Variants in CARMIL2 observed in about 807,000 individuals in gnomAD.
The protein encoded by CARMIL2 is capping protein regulator and myosin 1 linker 2.
Under a neutral mutation model 173.3 loss-of-function variants are expected in CARMIL2, and 96 were observed. That is an observed-to-expected ratio of 0.55 (90% CI 0.47 to 0.66). The LOEUF (loss-of-function observed/expected upper bound fraction) is 0.66, where lower values mean the gene tolerates loss of function less well. Among genes scored for constraint, CARMIL2 ranks in the 30% least tolerant of loss-of-function variants. The probability of loss-of-function intolerance (pLI) is 0.00; values close to 1 mark genes in which losing one functional copy is unlikely to be tolerated. For missense variants in CARMIL2, 1,771 were observed against 1,906.7 expected, an observed-to-expected ratio of 0.93 and a Z score of 1.33; for synonymous variants, 830 against 817.1, an observed-to-expected ratio of 1.02 and a Z score of -0.27.
At position 67,657,048 on chromosome 16, in the gene CARMIL2, C is replaced by T; in HGVS notation, c.4117+167C>T. On this transcript the variant is annotated intron_variant, in intron 36 of 37. Coordinates refer to ENST00000334583, the MANE Select transcript of CARMIL2 (RefSeq NM_001013838.3). This position sits in a 1 kb window ranked among gnomAD's most constrained non-coding sequence, Gnocchi z 4.5. ...TGCAAGGGTTTGACAGCAAGCCCTTCCAACTAGCACTGGCTCCACTTCCCG... is the reference window on the plus strand; with the variant it reads ...TGCAAGGGTTTGACAGCAAGCCCTTTCAACTAGCACTGGCTCCACTTCCCG... 2 of 750,862 alleles carry T rather than the reference C, an allele frequency of 2.7e-6. No individual in the cohort carries two copies. The highest frequency in any genetic ancestry group is 1.8e-5 in the South Asian group (1 of 54,778). The allele number at this position is 750,862 out of a possible 1,614,324, so 46.5% of individuals were successfully genotyped here.
At position 67,645,171 on chromosome 16, in the gene CARMIL2, C is replaced by T. The variant is rs2052570031; in HGVS notation, c.-76C>T. 8.0e-7 allele frequency: 1 copy of T among 1,245,818 alleles called. No homozygotes were observed. The highest frequency in any genetic ancestry group is 1.5e-5 in the African/African-American group (1 of 67,042). 77.2% of individuals were successfully genotyped at this position (1,245,818 alleles called of 1,614,324 possible). A position where few individuals can be genotyped will look rare whatever the true frequency, so the allele number is the denominator to read the frequency against. On this transcript the variant is annotated 5_prime_UTR_variant, in exon 1 of 38. Coordinates refer to ENST00000334583, the MANE Select transcript of CARMIL2 (RefSeq NM_001013838.3). ...GTGGCTGCCGTGCGGGTCTGGGCCCCAGGCTTCCTGTGTGCGCGCTCGTCC... is the reference window on the plus strand; with the variant it reads ...GTGGCTGCCGTGCGGGTCTGGGCCCTAGGCTTCCTGTGTGCGCGCTCGTCC...
At chr16:67,647,056 T>C in intron 8 of CARMIL2, 60 bp from the exon 9 acceptor site, 9 of 1,608,770 alleles carry the variant, frequency 5.6e-6, no homozygotes, top group Non-Finnish European at 7.7e-6. Flanking sequence ...GAGGGGCTGC[T>C]GGGCCTGGGA....
intron 22 of CARMIL2, 70 bp downstream of exon 22, chr16:67,650,220 A>T: frequency 7.5e-7 from 1 of 1,340,068 alleles, no homozygotes; most frequent in Non-Finnish European, 1.0e-6. Flanking sequence ...AGCCTCCATG[A>T]GTCAGAGGGT....
chr16:67,657,413 C>A lies in CARMIL2; in HGVS notation c.4203C>A (p.Gly1401=). Residue 1401 remains glycine (G), a synonymous_variant, in exon 38 of 38, where the codon GGC becomes GGA. Transcript: ENST00000334583. The surrounding 1 kb of genome is among the most constrained non-coding windows in gnomAD (Gnocchi z 4.5). ...EAPPSPSLGS[G]LGTEPLPPQP... ...CCCTCCCTCCCCTCACAGGATCTGG[C>A]CTTGGAACCGAGCCTCTGCCCCCAC... is the stretch of plus-strand genomic sequence containing the variant. 6.2e-7 allele frequency: 1 copy of A among 1,605,970 alleles called. No homozygotes were observed. Among genetic ancestry groups the A allele is most frequent in the Non-Finnish European group, 8.5e-7 (1 of 1,176,552 alleles).
Position 67,648,874 on chromosome 16 carries a change from T to TC in CARMIL2, c.1510-16dup, listed in dbSNP as rs1878497743. On this transcript the variant is annotated intron_variant, in intron 16 of 37. Coordinates refer to ENST00000334583, the MANE Select transcript of CARMIL2 (RefSeq NM_001013838.3). The surrounding 1 kb of genome is among the most constrained non-coding windows in gnomAD (Gnocchi z 6.1). The stretch of plus-strand genomic sequence containing the variant: ...GCCTAAGTGGGTCCCACTTCCCACC[T>TC]CCCACCTCCCACATACAGCTGCGCT... The TC allele has an allele frequency of 6.3e-7, 1 of 1,596,332 alleles. No homozygotes were observed. Among genetic ancestry groups the TC allele is most frequent in the Non-Finnish European group, 8.5e-7 (1 of 1,172,144 alleles).
Position 67,649,581 on chromosome 16 carries a change from G to T in CARMIL2, c.1881G>T (p.Lys627Asn). ...SGNAMGDAGA[K>N]LLAKALRVNS... The stretch of plus-strand genomic sequence containing the variant: ...ACGCCATGGGGGACGCGGGCGCCAA[G>T]TTGCTGGCCAAGGCGCTGCGGGTCA... Residue 627 changes from lysine (K) to asparagine (N), a missense_variant, in exon 20 of 38, where the codon AAG (lysine) becomes AAT (asparagine). Physicochemically the swap from Lys to Asn is moderately conservative, Grantham distance 94. Transcript: ENST00000334583. The surrounding 1 kb of genome is among the most constrained non-coding windows in gnomAD (Gnocchi z 6.7). 1 of 1,601,196 alleles carries T rather than the reference G, an allele frequency of 6.2e-7. No homozygotes were observed. The highest frequency in any genetic ancestry group is 1.1e-5 in the South Asian group (1 of 91,054).
chr16:67,653,194 C>T lies in CARMIL2; in HGVS notation c.3060C>T (p.Thr1020=). The T allele has an allele frequency of 8.9e-7, 1 of 1,123,838 alleles. No individual in the cohort carries two copies. The highest frequency in any genetic ancestry group is 1.6e-5 in the African/African-American group (1 of 60,820). The allele number at this position is 1,123,838 out of a possible 1,614,324, so 69.6% of individuals were successfully genotyped here. The change falls in exon 29 of 38, where the codon ACC becomes ACT. Residue 1020 remains threonine (T), a synonymous_variant. Transcript: ENST00000334583. The surrounding 1 kb of genome is among the most constrained non-coding windows in gnomAD (Gnocchi z 7.4). ...CGGGGCAGCCCCTGCGCCATCCGAC[C>T]CGGGCCCGGCCGCGGCCGCGCCGCC... ...PLAGQPLRHP[T]RARPRPRRQH...
Position 67,646,501 on chromosome 16 carries a change from C to A in CARMIL2, c.450C>A (p.Asp150Glu), listed in dbSNP as rs1597743240. 1 of 1,613,182 alleles carries A rather than the reference C, an allele frequency of 6.2e-7. No individual in the cohort carries two copies. The highest frequency in any genetic ancestry group is 1.1e-5 in the South Asian group (1 of 91,056). ...GAAGCAGCCCCTCGGAGTCCACTGA[C>A]CCCTGCAGCCCCTGTGGTAAGGGTG... is the stretch of plus-strand genomic sequence containing the variant. ...LERSSPSESTDPCSPCGGFLE... is the reference protein window; with the variant it reads ...LERSSPSESTEPCSPCGGFLE... Residue 150 changes from aspartate (D) to glutamate (E), a missense_variant, in exon 6 of 38, where the codon GAC becomes GAA. By Grantham distance (45) the Asp-to-Glu change is conservative. Coordinates refer to ENST00000334583, the MANE Select transcript of CARMIL2 (RefSeq NM_001013838.3). The surrounding 1 kb of genome is among the most constrained non-coding windows in gnomAD (Gnocchi z 4.6).
chr16:67,645,356 C>T, intron 1 of CARMIL2, 70 bp downstream of exon 1: 1 of 1,519,084 alleles, frequency 6.6e-7, no homozygotes, highest in Admixed American at 1.9e-5. Context: ...GAGGCCCACC[C>T]AGCGCCCCAG....
chr16:67,657,421 C>T lies in CARMIL2; in HGVS notation c.4211C>T (p.Thr1404Ile), dbSNP rs201307895. Reference sequence around the variant, plus strand: ...CCCCTCACAGGATCTGGCCTTGGAACCGAGCCTCTGCCCCCACAGCCCACA... The same window carrying T: ...CCCCTCACAGGATCTGGCCTTGGAATCGAGCCTCTGCCCCCACAGCCCACA... ...PSPSLGSGLG[T>I]EPLPPQPTEP... The change falls in exon 38 of 38, where the codon ACC becomes ATC. Residue 1404 changes from threonine to isoleucine, a missense_variant. Transcript: ENST00000334583. The surrounding 1 kb of genome is among the most constrained non-coding windows in gnomAD (Gnocchi z 4.5). 111 of 1,606,416 alleles carry T rather than the reference C, an allele frequency of 6.9e-5. No homozygotes were observed. In the East Asian group the frequency reaches 2.4e-3, roughly 34 times the overall value.
At position 67,645,417 on chromosome 16, in the gene CARMIL2, A is replaced by T. The variant is rs2052574939; in HGVS notation, c.41-123A>T. 4 of 1,353,226 alleles carry T rather than the reference A, an allele frequency of 3.0e-6. No individual in the cohort carries two copies. In the Admixed American group the frequency reaches 5.9e-5, roughly 20 times the overall value. 83.8% of individuals were successfully genotyped at this position (1,353,226 alleles called of 1,614,324 possible). ...CTCCCCAGGAGGGCAGGCGCCCCAG[A>T]TCCTCTCCCCTCCTTCCTCGCTGGC... On this transcript the variant is annotated intron_variant, in intron 1 of 37. Coordinates refer to ENST00000334583, the MANE Select transcript of CARMIL2 (RefSeq NM_001013838.3).
intron 1 of CARMIL2, 97 bp from the exon 2 acceptor site, chr16:67,645,443 C>A (rs909039770): frequency 1.4e-6 from 2 of 1,381,764 alleles, no homozygotes. Flanking sequence ...CCTCGCTGGC[C>A]GCAGATAAGC....
Position 67,654,459 on chromosome 16 carries a change from C to T in CARMIL2, c.3349C>T (p.Leu1117=), listed in dbSNP as rs1411666705. 1 of 1,612,938 alleles carries T rather than the reference C, an allele frequency of 6.2e-7. No individual in the cohort carries two copies. The highest frequency in any genetic ancestry group is 8.5e-7 in the Non-Finnish European group (1 of 1,179,688). The change falls in exon 31 of 38, where the codon CTA becomes TTA. Residue 1117 remains leucine, a synonymous_variant. Coordinates refer to ENST00000334583, the MANE Select transcript of CARMIL2 (RefSeq NM_001013838.3). ...TTCAACGCGGGGTCCACGGACTGAT[C>T]TAGAGACCAGCCCTGGGGCAGCTCC... is the stretch of plus-strand genomic sequence containing the variant. The part of the protein sequence containing the change: ...PRSTRGPRTD[L]ETSPGAAPRT...
chr16:67,647,254 G>A, intron 9 of CARMIL2, 45 bp from the exon 10 acceptor site: 1 of 1,611,108 alleles, frequency 6.2e-7, no homozygotes, highest in Non-Finnish European at 8.5e-7. Context: ...GCAGCCCGCT[G>A]AGGGCCAGGG....
chr16:67,655,996 G>C, intron 32 of CARMIL2, 35 bp from the exon 33 acceptor site: 1 of 1,566,966 alleles, frequency 6.4e-7, no homozygotes, highest in South Asian at 1.2e-5. Flanking sequence ...TGGGGAGCGG[G>C]CAGGGCTGGA....
chr16:67,648,661 AC>A lies in CARMIL2; in HGVS notation c.1440-20del. On this transcript the variant is annotated intron_variant, in intron 15 of 37. Transcript: ENST00000334583. This position sits in a 1 kb window ranked among gnomAD's most constrained non-coding sequence, Gnocchi z 6.1. ...GGAGCCCCCTGTCCCAGCTCCCGCC[AC>A]CCCGTGTAACGTCCTCTCCCAGAGC... is the stretch of plus-strand genomic sequence containing the variant. The A allele has an allele frequency of 6.3e-7, 1 of 1,589,790 alleles. No homozygotes were observed.
In CARMIL2 at chr16:67,652,930, G is replaced by T; in HGVS notation, c.2885-89G>T. 1 of 461,948 alleles carries T rather than the reference G, an allele frequency of 2.2e-6. No individual in the cohort carries two copies. The highest frequency in any genetic ancestry group is 3.1e-6 in the Non-Finnish European group (1 of 318,688). 28.6% of individuals were successfully genotyped at this position (461,948 alleles called of 1,614,324 possible). A position where few individuals can be genotyped will look rare whatever the true frequency, so the allele number is the denominator to read the frequency against. On this transcript the variant is annotated intron_variant, in intron 28 of 37. Coordinates refer to ENST00000334583, the MANE Select transcript of CARMIL2 (RefSeq NM_001013838.3). The surrounding 1 kb of genome is among the most constrained non-coding windows in gnomAD (Gnocchi z 4.7). ...GCGGCGTAGCCGGGCCCCTCCCCGCGCCCTGGGCGGGTCCCCCGCCGCCCT... is the reference window on the plus strand; with the variant it reads ...GCGGCGTAGCCGGGCCCCTCCCCGCTCCCTGGGCGGGTCCCCCGCCGCCCT...
rs1343185321 is a variant in CARMIL2, at chr16:67,647,758, C to T, written c.950C>T (p.Thr317Ile). ...RRLSLAQTGL[T>I]PRGMRALGRA... ...CTCAGCCTGGCCCAGACAGGGTTGACACCGCGAGGTAGGCTGGATGAGGGA... is the reference window on the plus strand; with the variant it reads ...CTCAGCCTGGCCCAGACAGGGTTGATACCGCGAGGTAGGCTGGATGAGGGA... Residue 317 changes from threonine to isoleucine, a missense_variant, in exon 12 of 38, where the codon ACA (threonine) becomes ATA (isoleucine). By Grantham distance (89) the Thr-to-Ile change is moderately conservative (BLOSUM62 -1). Around this residue, in one of 3 missense-constraint regions of CARMIL2, gnomAD observed 944 missense variants for 975.6 expected, o/e 0.97. Transcript: ENST00000334583. The T allele has an allele frequency of 2.6e-6, 4 of 1,568,400 alleles. No homozygotes were observed. Among genetic ancestry groups the T allele is most frequent in the South Asian group, 2.3e-5 (2 of 85,154 alleles).
chr16:67,646,856 C>T lies in CARMIL2; in HGVS notation c.538-44C>T. The T allele has an allele frequency of 1.9e-6, 3 of 1,613,092 alleles. No individual in the cohort carries two copies. Among genetic ancestry groups the T allele is most frequent in the South Asian group, 1.1e-5 (1 of 91,068 alleles). ...CATGTGTGCTGAGCCCCTCCCTGCCCCTTGTGGCCCCAGGCGAACTGTAAG... is the reference window on the plus strand; with the variant it reads ...CATGTGTGCTGAGCCCCTCCCTGCCTCTTGTGGCCCCAGGCGAACTGTAAG... On this transcript the variant is annotated intron_variant, in intron 7 of 37. Coordinates refer to ENST00000334583, the MANE Select transcript of CARMIL2 (RefSeq NM_001013838.3). The surrounding 1 kb of genome is among the most constrained non-coding windows in gnomAD (Gnocchi z 4.6).
Sources: gnomAD v4.1 joint callset for allele counts on GRCh38, gnomAD v4.1.1 for gene constraint, gnomAD v4.1.1 regional missense constraint, Gnocchi (gnomAD v3.1) non-coding constraint, MANE v1.5 for transcripts, NCBI Gene and HGNC (gene_info 2026-07-23, HGNC 2026-07-21) for gene names.